Variants in PGAP1 observed in about 807,000 individuals in gnomAD.
The protein encoded by PGAP1 is post-GPI attachment to proteins inositol deacylase 1.
In PGAP1, 76 loss-of-function variants were observed where a neutral mutation model predicts 127.0. The ratio of observed to expected loss-of-function variants is 0.60; its 90% CI spans 0.50 to 0.72. The LOEUF (loss-of-function observed/expected upper bound fraction) is 0.72. PGAP1 is among the 30% of genes least tolerant of loss of function. PGAP1 has a pLI of 0.00. For missense variants in PGAP1, 982 were observed against 1,071.3 expected, an observed-to-expected ratio of 0.92 and a Z score of 1.16; for synonymous variants, 362 against 366.5, an observed-to-expected ratio of 0.99 and a Z score of 0.14.
At chr2:196,925,836 T>A (rs1253420817) in intron 1 of PGAP1, among the ~76,000 whole-genome samples, 1 of 151,974 alleles carries the variant, frequency 6.6e-6, no homozygotes, top group African/African-American at 2.4e-5. Flanking sequence ...AATAAGAGGA[T>A]CTGCAACATC....
At chr2:196,874,953 T>C (rs943118288) in intron 14 of PGAP1, among the ~76,000 whole-genome samples, 2 of 152,020 alleles carry the variant, frequency 1.3e-5, no homozygotes, top group African/African-American at 4.8e-5. Context: ...GAGGCAGAGG[T>C]TGCAGTGAGC....
At chr2:196,862,998 C>T (rs182104771) in intron 20 of PGAP1, among the ~76,000 whole-genome samples, 109 of 152,174 alleles carry the variant, frequency 7.2e-4, no homozygotes, top group African/African-American at 2.1e-3. Context: ...GTGAAATGTA[C>T]GTCAAAACCA....
intron 12 of PGAP1, among the ~76,000 whole-genome samples, chr2:196,880,790 T>G (rs1453699014): frequency 3.3e-5 from 5 of 152,204 alleles, no homozygotes; most frequent in Non-Finnish European, 7.3e-5. Context: ...TTTTGAGGAA[T>G]GAATTGGTAG....
chr2:196,914,398 A>G (rs572678013), intron 3 of PGAP1, among the ~76,000 whole-genome samples: 90 of 152,296 alleles, frequency 5.9e-4, no homozygotes, highest in African/African-American at 2.1e-3. Context: ...AGGTAGGTGG[A>G]TCACTTCAGG....
chr2:196,917,151 T>C (rs1052760830), intron 2 of PGAP1, among the ~76,000 whole-genome samples: 5 of 152,210 alleles, frequency 3.3e-5, no homozygotes, highest in African/African-American at 1.2e-4. Context: ...TGAACTACTC[T>C]AACAGGTTCT....
chr2:196,872,512 T>C lies in PGAP1; in HGVS notation c.1657A>G (p.Ile553Val), dbSNP rs1440967704. ...SSTEISLKLH[I>V]AQPENNTHVA... Reference sequence around the variant, plus strand: ...TGGGTATTGTTTTCTGGTTGAGCAATATGGAGTTTCAGAGAAATTTCTGTG... The same window carrying C: ...TGGGTATTGTTTTCTGGTTGAGCAACATGGAGTTTCAGAGAAATTTCTGTG... Residue 553 changes from isoleucine to valine, a missense_variant, in exon 18 of 27, where the codon ATT (isoleucine) becomes GTT (valine). Transcript: ENST00000354764. 7 of 1,613,176 alleles carry C rather than the reference T, an allele frequency of 4.3e-6. No homozygotes were observed. Among genetic ancestry groups the C allele is most frequent in the South Asian group, 3.3e-5 (3 of 91,048 alleles).
chr2:196,867,158 A>G (rs889069763), intron 19 of PGAP1, among the ~76,000 whole-genome samples: 1 of 152,216 alleles, frequency 6.6e-6, no homozygotes, highest in African/African-American at 2.4e-5. Context: ...ATTATAAATC[A>G]TTCTACTATA....
intron 19 of PGAP1, among the ~76,000 whole-genome samples, chr2:196,868,434 A>G (rs1701312219): frequency 1.3e-5 from 2 of 152,306 alleles, no homozygotes; most frequent in South Asian, 4.1e-4. Context: ...CTTAACAATC[A>G]TAAACTGGCC....
chr2:196,840,971 G>C lies in PGAP1; in HGVS notation c.*263C>G, dbSNP rs929368949. Reference sequence around the variant, plus strand: ...AAAACAGACTATTTTATATGCACAGGAGTCCTCAATGATAGTGATCACCAT... The same window carrying C: ...AAAACAGACTATTTTATATGCACAGCAGTCCTCAATGATAGTGATCACCAT... On this transcript the variant is annotated 3_prime_UTR_variant, in exon 27 of 27. Transcript: ENST00000354764. 2.5e-5 allele frequency: 8 copies of C among 316,408 alleles called. No homozygotes were observed. The highest frequency in any genetic ancestry group is 3.5e-5 in the Non-Finnish European group (6 of 173,844). The allele number at this position is 316,408 out of a possible 1,614,324, so 19.6% of individuals were successfully genotyped here.
chr2:196,848,264 TG>T (rs1201537817), intron 20 of PGAP1, among the ~76,000 whole-genome samples: 1 of 152,138 alleles, frequency 6.6e-6, no homozygotes, highest in Non-Finnish European at 1.5e-5. Flanking sequence ...AAGTCAAAGC[TG>T]GGGTTTCACC....
intron 1 of PGAP1, chr2:196,922,672 CTTTTTT>C (rs763237138): frequency 6.9e-5 from 8 of 115,236 alleles, no homozygotes; most frequent in African/African-American, 2.3e-4. Flanking sequence ...TTCTTACCTA[CTTTTTT>C]TTTTTTTTTT....
rs114810358 is a variant in PGAP1, at chr2:196,901,701, A to G, written c.807+884T>C. 2.5e-3 allele frequency among the ~76,000 whole-genome samples: 374 copies of G among 152,364 alleles called. 2 individuals carry two copies. Among genetic ancestry groups the G allele is most frequent in the African/African-American group, 8.6e-3 (357 of 41,590 alleles). On this transcript the variant is annotated intron_variant, in intron 5 of 26. Coordinates refer to ENST00000354764, the MANE Select transcript of PGAP1 (RefSeq NM_024989.4). ...TTAAAGACCAAATACTTGATGTCCT[A>G]GCAGGGAAGAATAAGTAGCAAATTA...
Position 196,912,949 on chromosome 2 carries a change from T to C in PGAP1, c.582A>G (p.Ile194Met), listed in dbSNP as rs371517233. 6 of 1,613,950 alleles carry C rather than the reference T, an allele frequency of 3.7e-6. No homozygotes were observed. In the African/African-American group the frequency reaches 5.3e-5, roughly 14 times the overall value. ...LTLKNFKHDL[I>M]NLLITQATPH... ...GTGTGGCTTGTGTAATAAGAAGATT[T>C]ATCAGATCATGCTTAAAATTTTTCA... The change falls in exon 4 of 27, where the codon ATA (isoleucine) becomes ATG (methionine). Residue 194 changes from isoleucine to methionine, a missense_variant. Transcript: ENST00000354764.
Position 196,844,094 on chromosome 2 carries a change from G to C in PGAP1, c.2338-19C>G. The stretch of plus-strand genomic sequence containing the variant: ...TGGGATTCTATAAAACAATAAAGTA[G>C]AAATATCAAGACACTAAACAAAAGT... On this transcript the variant is annotated intron_variant, in intron 24 of 26. Coordinates refer to ENST00000354764, the MANE Select transcript of PGAP1 (RefSeq NM_024989.4). 7.0e-7 allele frequency: 1 copy of C among 1,426,708 alleles called. No homozygotes were observed. Among genetic ancestry groups the C allele is most frequent in the South Asian group, 1.5e-5 (1 of 67,132 alleles). 88.4% of individuals were successfully genotyped at this position (1,426,708 alleles called of 1,614,324 possible).
chr2:196,889,938 C>T (rs1286498446), intron 10 of PGAP1, among the ~76,000 whole-genome samples: 2 of 151,422 alleles, frequency 1.3e-5, no homozygotes, highest in African/African-American at 4.9e-5. Context: ...TAACCTTTCC[C>T]TTTTTTTTCT....
In PGAP1 at chr2:196,916,533, A is replaced by G; in HGVS notation, c.362T>C (p.Phe121Ser). The G allele has an allele frequency of 1.2e-5, 19 of 1,613,612 alleles. No homozygotes were observed. The highest frequency in any genetic ancestry group is 1.6e-5 in the Non-Finnish European group (19 of 1,179,762). ...ATTGAAGTTCACACTAAAGAAGTCAAAGTGGTACTTGAAGTCAATGTCCTC... is the reference window on the plus strand; with the variant it reads ...ATTGAAGTTCACACTAAAGAAGTCAGAGTGGTACTTGAAGTCAATGTCCTC... ...KAEDIDFKYH[F>S]DFFSVNFNEE... The change falls in exon 3 of 27, where the codon TTT becomes TCT. Residue 121 changes from phenylalanine to serine, a missense_variant. Physicochemically the swap from Phe to Ser is radical, Grantham distance 155 (BLOSUM62 -2). Coordinates refer to ENST00000354764, the MANE Select transcript of PGAP1 (RefSeq NM_024989.4).
At chr2:196,884,499 G>A (rs1165958482) in intron 12 of PGAP1, among the ~76,000 whole-genome samples, 1 of 152,202 alleles carries the variant, frequency 6.6e-6, no homozygotes, top group African/African-American at 2.4e-5. Flanking sequence ...AAAGTGAAGT[G>A]TGACTTGCAA....
In PGAP1 at chr2:196,845,783, G is replaced by T. The variant is rs1447566099; in HGVS notation, c.2286+99C>A. The T allele has an allele frequency of 4.2e-6, 4 of 949,760 alleles. No individual in the cohort carries two copies. The East Asian group carries it at 8.3e-5, about 20-fold the overall frequency. 58.8% of individuals were successfully genotyped at this position (949,760 alleles called of 1,614,324 possible). A position where few individuals can be genotyped will look rare whatever the true frequency, so the allele number is the denominator to read the frequency against. Reference sequence around the variant, plus strand: ...CGTTATGTAACAGAGGGTTACTACAGTGTTTATGAGAATTTTTGTTAACAA... The same window carrying T: ...CGTTATGTAACAGAGGGTTACTACATTGTTTATGAGAATTTTTGTTAACAA... On this transcript the variant is annotated intron_variant, in intron 23 of 26. Coordinates refer to ENST00000354764, the MANE Select transcript of PGAP1 (RefSeq NM_024989.4).
intron 20 of PGAP1, among the ~76,000 whole-genome samples, chr2:196,848,935 G>A (rs1012548492): frequency 6.6e-6 from 1 of 152,046 alleles, no homozygotes; most frequent in African/African-American, 2.4e-5. Context: ...AGTGTATGAG[G>A]GTTCCAGGTT....
Sources: allele counts gnomAD v4.1 joint callset (sites outside exome capture counted in the v4.1 genomes callset), GRCh38; gene constraint gnomAD v4.1.1; transcripts MANE v1.5; gene names NCBI Gene and HGNC (gene_info 2026-07-23, HGNC 2026-07-21).